NLRP5: variants seen among roughly 807,000 people sequenced by gnomAD.
NLRP5 encodes NLR family pyrin domain containing 5, also known as NACHT, LRR and PYD domains-containing protein 5.
NLRP5 carries 93 observed loss-of-function variants against 113.1 expected under a neutral mutation model. The ratio of observed to expected loss-of-function variants is 0.82; its 90% CI spans 0.70 to 0.98. The LOEUF (loss-of-function observed/expected upper bound fraction) is 0.98, where lower values mean the gene tolerates loss of function less well. Ranked by LOEUF, NLRP5 falls within the 50% of genes least tolerant of loss-of-function variation. The probability of loss-of-function intolerance (pLI) is 0.00; values close to 1 mark genes in which losing one functional copy is unlikely to be tolerated. For missense variants in NLRP5, 1,808 were observed against 1,514.3 expected (o/e 1.19, Z -3.22); for synonymous variants, 751 against 600.7 (o/e 1.25, Z -3.66).
upstream of NLRP5, among the ~76,000 whole-genome samples, chr19:55,997,175 A>T (rs911240347): frequency 2.0e-5 from 3 of 151,798 alleles, no homozygotes; most frequent in African/African-American, 2.4e-5. Context: ...CCACTTTTTG[A>T]TGGGGTTGTT....
intron 3 of NLRP5, among the ~76,000 whole-genome samples, chr19:56,010,742 C>CCAAAAAAAAA (rs1555764914): frequency 7.3e-5 from 3 of 41,278 alleles, no homozygotes; most frequent in African/African-American, 3.1e-4. Flanking sequence ...AACTCTGTCT[C>CCAAAAAAAAA]AAAAAAAAAA....
At chr19:56,002,262 T>A (rs116695966) in intron 1 of NLRP5, among the ~76,000 whole-genome samples, 3,276 of 152,262 alleles carry the variant, frequency 0.022, 84 homozygotes, top group East Asian at 0.064. Flanking sequence ...TCGTCTCCCT[T>A]TTAGTGTATG....
intron 13 of NLRP5, among the ~76,000 whole-genome samples, chr19:56,056,117 C>CA (rs1169337413): frequency 3.3e-5 from 5 of 152,196 alleles, no homozygotes; most frequent in Non-Finnish European, 5.9e-5. Flanking sequence ...TCCCTGGAGA[C>CA]ATGCGCACCT....
intron 10 of NLRP5, among the ~76,000 whole-genome samples, chr19:56,039,783 A>G (rs1983451320): frequency 6.6e-6 from 1 of 152,070 alleles, no homozygotes; most frequent in South Asian, 2.1e-4. Flanking sequence ...GCATGGTGGC[A>G]GGCGCCTGCA....
At chr19:56,019,074 G>A (rs1473789341) in intron 4 of NLRP5, among the ~76,000 whole-genome samples, 4 of 152,280 alleles carry the variant, frequency 2.6e-5, no homozygotes, top group African/African-American at 9.6e-5. Flanking sequence ...GGGATTACAG[G>A]TGCGAACGAC....
intron 11 of NLRP5, among the ~76,000 whole-genome samples, chr19:56,047,730 C>T (rs1156593440): frequency 6.6e-6 from 1 of 152,150 alleles, no homozygotes; most frequent in Admixed American, 6.6e-5. Context: ...CTGTATAGAT[C>T]TGCTATGTCC....
In NLRP5 at chr19:56,006,762, C is replaced by T. The variant is rs543472988; in HGVS notation, c.443-2026C>T. On this transcript the variant is annotated intron_variant, in intron 2 of 14. Coordinates refer to ENST00000390649, the MANE Select transcript of NLRP5 (RefSeq NM_153447.4). ...TAAAAATTTTTTTTTGTTTTTGAGA[C>T]GGAGTCTGGCTCTGTCGCCCAGGCT... Among the ~76,000 whole-genome samples, 16 of 151,060 alleles carry T rather than the reference C, an allele frequency of 1.1e-4. No individual in the cohort carries two copies. In the South Asian group the frequency reaches 1.9e-3, roughly 18 times the overall value.
At chr19:55,998,658 A>ATGTGTGTG (rs145042875), upstream of NLRP5, among the ~76,000 whole-genome samples, 566 of 44,478 alleles carry the variant, frequency 0.013, 19 homozygotes, top group East Asian at 0.055. Context: ...GTCTCAAAAT[A>ATGTGTGTG]TGTGTGTGTG....
intron 13 of NLRP5, among the ~76,000 whole-genome samples, chr19:56,054,598 T>TC (rs1984059251): frequency 1.3e-5 from 2 of 148,372 alleles, no homozygotes; most frequent in South Asian, 4.2e-4. Context: ...GCTGATACGT[T>TC]CCACCACATG....
At chr19:55,995,953 T>G (rs898231392), upstream of NLRP5, among the ~76,000 whole-genome samples, 1 of 152,208 alleles carries the variant, frequency 6.6e-6, no homozygotes, top group Non-Finnish European at 1.5e-5. Context: ...AAAACTTGCA[T>G]CATACTGAAA....
chr19:56,007,375 G>C (rs1334074127), intron 2 of NLRP5, among the ~76,000 whole-genome samples: 1 of 131,804 alleles, frequency 7.6e-6, no homozygotes, highest in Non-Finnish European at 1.7e-5. Flanking sequence ...TTTTTTTATA[G>C]AAAGTCTTAC....
intron 6 of NLRP5, among the ~76,000 whole-genome samples, chr19:56,025,109 C>T (rs184144633): frequency 3.9e-4 from 60 of 152,166 alleles, no homozygotes; most frequent in Admixed American, 7.2e-4. Context: ...CAGATGGGAC[C>T]ATCTAGTTGT....
At chr19:56,015,876 CG>C in intron 4 of NLRP5, 78 bp downstream of exon 4, 1 of 1,065,830 alleles carries the variant, frequency 9.4e-7, no homozygotes, top group Non-Finnish European at 1.3e-6. Flanking sequence ...GTTCAAAGGA[CG>C]GGGAAATCCA....
At chr19:56,032,550 C>T (rs1322528800) in intron 7 of NLRP5, 61 bp from the exon 8 acceptor site, 10 of 1,500,572 alleles carry the variant, frequency 6.7e-6, no homozygotes, top group Non-Finnish European at 8.2e-6. Context: ...CGACGTGTTG[C>T]CACGACTGCT....
chr19:56,008,890 T>TA, intron 3 of NLRP5, 37 bp downstream of exon 3: 2 of 1,572,124 alleles, frequency 1.3e-6, no homozygotes, highest in Non-Finnish European at 1.7e-6. Flanking sequence ...AGGATGTGCT[T>TA]AAAGACACAT....
At chr19:56,013,517 C>G (rs1373662565) in intron 3 of NLRP5, among the ~76,000 whole-genome samples, 1 of 145,882 alleles carries the variant, frequency 6.9e-6, no homozygotes, top group East Asian at 2.0e-4. Context: ...CTCAGGACTT[C>G]ATAACTTTTT....
intron 1 of NLRP5, among the ~76,000 whole-genome samples, chr19:56,001,112 C>T (rs1391547689): frequency 1.3e-5 from 2 of 150,938 alleles, no homozygotes; most frequent in African/African-American, 4.9e-5. Flanking sequence ...TACTTGAGCC[C>T]AGGAGTTTGA....
chr19:55,998,658 A>ATATGTGTGTGTG (rs1555762360), upstream of NLRP5, among the ~76,000 whole-genome samples: 1 of 44,682 alleles, frequency 2.2e-5, no homozygotes, highest in South Asian at 1.0e-3. Context: ...GTCTCAAAAT[A>ATATGTGTGTGTG]TGTGTGTGTG....
intron 11 of NLRP5, among the ~76,000 whole-genome samples, chr19:56,044,004 G>A (rs7249468): frequency 0.15 from 21,503 of 144,644 alleles, 2,553 homozygotes; most frequent in African/African-American, 0.34. Context: ...CCAATGTCTC[G>A]AAGGGTTTTT....
Sources: gnomAD v4.1 joint callset for allele counts (sites outside exome capture counted in the v4.1 genomes callset) on GRCh38, gnomAD v4.1.1 for gene constraint, MANE v1.5 for transcripts, NCBI Gene and HGNC (gene_info 2026-07-23, HGNC 2026-07-21) for gene names.